Variants in NBEA observed in about 807,000 individuals in gnomAD.
NBEA encodes neurobeachin, also known as lysosomal-trafficking regulator 2.
Under a neutral mutation model 343.4 loss-of-function variants are expected in NBEA, and 44 were observed. That is an observed-to-expected ratio of 0.13 (90% CI 0.10 to 0.16). The LOEUF (loss-of-function observed/expected upper bound fraction) is 0.16, where lower values mean the gene tolerates loss of function less well. NBEA is among the 10% of genes least tolerant of loss of function. The pLI, the probability that NBEA is intolerant of heterozygous loss-of-function variation, is 1.00. For synonymous variants in NBEA, 1,175 were observed against 1,238.7 expected (o/e 0.95, Z 1.08); for missense variants, 2,555 against 3,631.3 (o/e 0.70, Z 7.62).
At chr13:35,140,913 G>A (rs923259516) in intron 17 of NBEA, among the ~76,000 whole-genome samples, 1 of 152,180 alleles carries the variant, frequency 6.6e-6, no homozygotes, top group Non-Finnish European at 1.5e-5. Context: ...GACCCAGGCA[G>A]CTTCTCCCAC....
At chr13:35,480,675 C>CT (rs1311191830) in intron 41 of NBEA, among the ~76,000 whole-genome samples, 2 of 150,908 alleles carry the variant, frequency 1.3e-5, no homozygotes, top group Non-Finnish European at 3.0e-5. Flanking sequence ...TTTCCCCCTT[C>CT]TTTTTTTTTA....
chr13:35,365,672 TTTTA>T (rs1254060850), intron 38 of NBEA, among the ~76,000 whole-genome samples: 3 of 151,664 alleles, frequency 2.0e-5, no homozygotes, highest in Admixed American at 6.6e-5. Context: ...GTTTAGATAT[TTTTA>T]TTTATATATC....
chr13:35,489,751 TAGCATAG>T (rs1305332755), intron 41 of NBEA, among the ~76,000 whole-genome samples: 4 of 151,852 alleles, frequency 2.6e-5, no homozygotes, highest in Non-Finnish European at 5.9e-5. Flanking sequence ...AAGTAGATAA[TAGCATAG>T]AAAATATAAA....
intron 1 of NBEA, among the ~76,000 whole-genome samples, chr13:35,029,461 T>C (rs539510546): frequency 1.5e-3 from 230 of 151,612 alleles, no homozygotes; most frequent in African/African-American, 5.4e-3. Context: ...AAGTGAGGGA[T>C]GGTATTGTAG....
chr13:34,955,791 TTGTTC>T (rs1484216346), intron 1 of NBEA, among the ~76,000 whole-genome samples: 1 of 152,202 alleles, frequency 6.6e-6, no homozygotes, highest in East Asian at 1.9e-4. Flanking sequence ...GGTCAGCCTT[TTGTTC>T]TGTTTAGGCC....
chr13:35,218,515 C>T (rs1029271769), intron 33 of NBEA, among the ~76,000 whole-genome samples: 1 of 151,904 alleles, frequency 6.6e-6, no homozygotes, highest in Non-Finnish European at 1.5e-5. Context: ...ACTTACAGTG[C>T]CACCCAGTAC....
At chr13:35,147,192 A>T (rs749546179) in intron 18 of NBEA, among the ~76,000 whole-genome samples, 1 of 152,216 alleles carries the variant, frequency 6.6e-6, no homozygotes, top group Non-Finnish European at 1.5e-5. Context: ...TTAGGCACAG[A>T]TGTGGCCCTC....
At chr13:35,453,188 T>C (rs558647668) in intron 40 of NBEA, among the ~76,000 whole-genome samples, 2 of 152,306 alleles carry the variant, frequency 1.3e-5, no homozygotes, top group African/African-American at 4.8e-5. Flanking sequence ...GGTTAGAGAG[T>C]TCTCTTTTCA....
chr13:35,482,843 C>G (rs1372143081), intron 41 of NBEA, among the ~76,000 whole-genome samples: 1 of 151,782 alleles, frequency 6.6e-6, no homozygotes, highest in East Asian at 1.9e-4. Context: ...CTCTACCACA[C>G]ATGTAGATAG....
At chr13:35,620,712 G>T (rs1220139882) in intron 48 of NBEA, among the ~76,000 whole-genome samples, 1 of 152,180 alleles carries the variant, frequency 6.6e-6, no homozygotes, top group Non-Finnish European at 1.5e-5. Flanking sequence ...AGATCTGCTA[G>T]AAGGTAATTT....
At chr13:35,409,751 G>T (rs2043477020) in intron 38 of NBEA, among the ~76,000 whole-genome samples, 1 of 152,126 alleles carries the variant, frequency 6.6e-6, no homozygotes, top group Non-Finnish European at 1.5e-5. Context: ...AAGGCAGAAG[G>T]TAGCAGAAAC....
intron 17 of NBEA, among the ~76,000 whole-genome samples, chr13:35,140,733 T>C (rs2068041888): frequency 6.6e-6 from 1 of 152,310 alleles, no homozygotes; most frequent in Non-Finnish European, 1.5e-5. Flanking sequence ...AGATGAATGG[T>C]ACGGACATAA....
At chr13:35,603,218 T>TA (rs2082135499) in intron 47 of NBEA, among the ~76,000 whole-genome samples, 1 of 152,176 alleles carries the variant, frequency 6.6e-6, no homozygotes. Flanking sequence ...CTAGTCTTAT[T>TA]AAAATAACTT....
At chr13:35,039,588 A>C (rs538338959) in intron 1 of NBEA, among the ~76,000 whole-genome samples, 1 of 152,166 alleles carries the variant, frequency 6.6e-6, no homozygotes, top group Non-Finnish European at 1.5e-5. Flanking sequence ...CTCTGTGCCT[A>C]TGATTCCTTA....
At chr13:35,535,315 T>A (rs779664367) in intron 41 of NBEA, among the ~76,000 whole-genome samples, 32 of 152,204 alleles carry the variant, frequency 2.1e-4, no homozygotes, top group African/African-American at 3.4e-4. Flanking sequence ...TGTTTAGTTT[T>A]GTTTTGTTTT....
At chr13:35,208,646 A>T in intron 31 of NBEA, 54 bp from the exon 32 acceptor site, 1 of 1,435,122 alleles carries the variant, frequency 7.0e-7, no homozygotes, top group Non-Finnish European at 9.4e-7. Flanking sequence ...CAGCAGGATT[A>T]TAATTCATCT....
chr13:35,104,207 T>A (rs2065800482), intron 11 of NBEA, among the ~76,000 whole-genome samples: 2 of 152,054 alleles, frequency 1.3e-5, no homozygotes, highest in South Asian at 4.1e-4. Context: ...TATGCTTCAT[T>A]CAGGATTTTG....
At chr13:35,352,668 T>C (rs187087793) in intron 38 of NBEA, among the ~76,000 whole-genome samples, 5 of 152,178 alleles carry the variant, frequency 3.3e-5, no homozygotes, top group African/African-American at 1.2e-4. Flanking sequence ...TCTTTTAGAG[T>C]CAACTCTTCC....
intron 34 of NBEA, chr13:35,251,472 C>T: frequency 6.6e-6 from 7 of 1,065,532 alleles, no homozygotes; most frequent in Non-Finnish European, 8.0e-6. Flanking sequence ...AGAGCTGTTC[C>T]CCAAGCCAGG....
Sources: gnomAD v4.1 joint callset for allele counts (sites outside exome capture counted in the v4.1 genomes callset) on GRCh38, gnomAD v4.1.1 for gene constraint, MANE v1.5 for transcripts, NCBI Gene and HGNC (gene_info 2026-07-23, HGNC 2026-07-21) for gene names.